The following ZNF44 variants were observed in gnomAD, a reference collection of about 807,000 sequenced individuals.
ZNF44 encodes the protein zinc finger protein 44.
Under a neutral mutation model 11.7 loss-of-function variants are expected in ZNF44, and 9 were observed. That is an observed-to-expected ratio of 0.77 (90% CI 0.46 to 1.35). The LOEUF is 1.35. ZNF44 is among the 40% of genes most tolerant of loss of function. The pLI, the probability that ZNF44 is intolerant of heterozygous loss-of-function variation, is 0.00. For synonymous variants in ZNF44, 224 were observed against 242.7 expected, an observed-to-expected ratio of 0.92 and a Z score of 0.72; for missense variants, 696 against 743.1, an observed-to-expected ratio of 0.94 and a Z score of 0.74.
At chr19:12,256,163 C>G (rs1222096475) in intron 5 of ZNF44, among the ~76,000 whole-genome samples, 2 of 151,700 alleles carry the variant, frequency 1.3e-5, no homozygotes, top group African/African-American at 4.8e-5. Flanking sequence ...GGTGGGCCAA[C>G]CCGCAAGTCA....
At chr19:12,230,052 G>A (rs1449370294) in intron 3 of ZNF44, among the ~76,000 whole-genome samples, 1 of 152,144 alleles carries the variant, frequency 6.6e-6, no homozygotes, top group Non-Finnish European at 1.5e-5. Flanking sequence ...AGTTGTTAAG[G>A]TTCCTGAGAA....
chr19:12,260,627 AC>A, intron 5 of ZNF44: 2 of 617,872 alleles, frequency 3.2e-6, no homozygotes, highest in Non-Finnish European at 5.8e-6. Flanking sequence ...AAACAAAAAA[AC>A]AAAACAAAAA....
chr19:12,294,786 T>G lies in ZNF44; in HGVS notation c.-92A>C. The G allele has an allele frequency of 6.8e-7, 1 of 1,460,364 alleles. No homozygotes were observed. Among genetic ancestry groups the G allele is most frequent in the Non-Finnish European group, 9.2e-7 (1 of 1,087,376 alleles). The allele number at this position is 1,460,364 out of a possible 1,614,324, so 90.5% of individuals were successfully genotyped here. ...AAGCCACCACAGATGTCCCAGGGCG[T>G]CTCTCAGTGACAGAATACGGAACAG... On this transcript the variant is annotated 5_prime_UTR_variant, in exon 1 of 4. Transcript: ENST00000355684.
At chr19:12,236,781 C>G (rs766663443) in intron 1 of ZNF44, among the ~76,000 whole-genome samples, 1 of 152,232 alleles carries the variant, frequency 6.6e-6, no homozygotes, top group Non-Finnish European at 1.5e-5. Context: ...CTGTGTAACA[C>G]AAGGTATAAC....
At chr19:12,261,787 G>C (rs1917520270) in intron 5 of ZNF44, among the ~76,000 whole-genome samples, 1 of 152,182 alleles carries the variant, frequency 6.6e-6, no homozygotes, top group African/African-American at 2.4e-5. Flanking sequence ...GCTGGAGCAA[G>C]AGCACTAGGG....
intron 1 of ZNF44, chr19:12,293,391 G>T: frequency 6.5e-7 from 1 of 1,534,042 alleles, no homozygotes; most frequent in Non-Finnish European, 8.7e-7. Flanking sequence ...AAAGATACAG[G>T]GTGGGCTGAG....
downstream of ZNF44, chr19:12,225,327 G>C (rs1263077592): frequency 1.3e-5 from 2 of 152,256 alleles, no homozygotes; most frequent in African/African-American, 2.4e-5. Flanking sequence ...CCCATAATTA[G>C]GTATATTATT....
chr19:12,293,311 C>T, intron 1 of ZNF44: 1 of 1,536,974 alleles, frequency 6.5e-7, no homozygotes, highest in Non-Finnish European at 8.7e-7. Context: ...ATCCACTAGG[C>T]CCTCCATGAG....
upstream of ZNF44, among the ~76,000 whole-genome samples, chr19:12,241,844 C>G (rs1916627700): frequency 6.6e-6 from 1 of 152,158 alleles, no homozygotes; most frequent in Non-Finnish European, 1.5e-5. Context: ...ATATACCACA[C>G]TTGGGAATAT....
chr19:12,268,790 C>A (rs959923474), downstream of ZNF44, among the ~76,000 whole-genome samples: 2 of 149,574 alleles, frequency 1.3e-5, no homozygotes, highest in African/African-American at 5.0e-5. Flanking sequence ...GTTGCCTAGG[C>A]TGGCGTGCAA....
At position 12,277,193 on chromosome 19, in the gene ZNF44, G is replaced by A. The variant is rs541934344; in HGVS notation, c.4-1111C>T. Among the ~76,000 whole-genome samples, 4 of 152,156 alleles carry A rather than the reference G, an allele frequency of 2.6e-5. No individual in the cohort carries two copies. In the East Asian group the frequency reaches 7.7e-4, roughly 29 times the overall value. On this transcript the variant is annotated intron_variant, in intron 1 of 3. Coordinates refer to ENST00000355684, the MANE Select transcript of ZNF44 (RefSeq NM_016264.4). Reference sequence around the variant, plus strand: ...TTGTTTTTTCAATGTCTTACTTGGGGGATTTAGCCTATCCTACGTGATTAC... The same window carrying A: ...TTGTTTTTTCAATGTCTTACTTGGGAGATTTAGCCTATCCTACGTGATTAC...
At chr19:12,266,335 G>A (rs1917725335) in intron 5 of ZNF44, 1 of 985,232 alleles carries the variant, frequency 1.0e-6, no homozygotes, top group East Asian at 1.1e-4. Flanking sequence ...CCACAGCAGG[G>A]CAAATCGCGA....
chr19:12,293,476 GTT>G, intron 1 of ZNF44: 1 of 1,223,554 alleles, frequency 8.2e-7, no homozygotes, highest in Non-Finnish European at 1.1e-6. Flanking sequence ...CAAAGGTTTG[GTT>G]TTTTTTACAG....
At chr19:12,229,797 A>G (rs1305820672) in intron 3 of ZNF44, among the ~76,000 whole-genome samples, 2 of 152,040 alleles carry the variant, frequency 1.3e-5, no homozygotes, top group Non-Finnish European at 2.9e-5. Flanking sequence ...TATTTTTAGT[A>G]GAGATGGAGT....
At chr19:12,247,523 A>C (rs762410499), downstream of ZNF44, 1 of 1,350,800 alleles carries the variant, frequency 7.4e-7, no homozygotes, top group African/African-American at 1.5e-5. Flanking sequence ...GTTTACATTC[A>C]TAAGGTTTCT....
At chr19:12,255,254 A>G (rs1339791922) in intron 5 of ZNF44, among the ~76,000 whole-genome samples, 1 of 152,232 alleles carries the variant, frequency 6.6e-6, no homozygotes, top group Non-Finnish European at 1.5e-5. Flanking sequence ...GGAAATTAGA[A>G]AAAGCAAATT....
At chr19:12,285,271 T>C (rs1244842601) in intron 1 of ZNF44, 5 of 290,740 alleles carry the variant, frequency 1.7e-5, no homozygotes, top group African/African-American at 1.1e-4. Context: ...TGTTTGTTTT[T>C]TGAGACAGAT....
downstream of ZNF44, chr19:12,247,636 C>G: frequency 7.5e-7 from 1 of 1,341,374 alleles, no homozygotes; most frequent in Non-Finnish European, 9.9e-7. Flanking sequence ...TGCATCCTTT[C>G]ATGTCTTCGG....
In ZNF44 at chr19:12,272,478, A is replaced by G. The variant is rs777922783; in HGVS notation, c.1777T>C (p.Cys593Arg). 1 of 1,603,838 alleles carries G rather than the reference A, an allele frequency of 6.2e-7. No individual in the cohort carries two copies. Among genetic ancestry groups the G allele is most frequent in the Non-Finnish European group, 8.5e-7 (1 of 1,177,006 alleles). Residue 593 changes from cysteine to arginine, a missense_variant, in exon 4 of 4, where the codon TGT becomes CGT. Transcript: ENST00000355684. ...TGEKPYECKE[C>R]GKAFSSLSSF... Reference sequence around the variant, plus strand: ...CTGAGAGAACTGAAGGCTTTCCCACATTCCTTACATTCATAGGGCTTCTCT... The same window carrying G: ...CTGAGAGAACTGAAGGCTTTCCCACGTTCCTTACATTCATAGGGCTTCTCT...
Sources: gnomAD v4.1 joint callset for allele counts (sites outside exome capture counted in the v4.1 genomes callset) on GRCh38, gnomAD v4.1.1 for gene constraint, MANE v1.5 for transcripts, NCBI Gene and HGNC (gene_info 2026-07-23, HGNC 2026-07-21) for gene names.